The following SYT16 variants were observed in gnomAD, a reference collection of about 807,000 sequenced individuals.
SYT16 encodes synaptotagmin 16.
SYT16 carries 42 observed loss-of-function variants against 61.4 expected under a neutral mutation model. The ratio of observed to expected loss-of-function variants is 0.68; its 90% CI spans 0.53 to 0.89. SYT16 has a LOEUF of 0.89. Among genes scored for constraint, SYT16 ranks in the 40% least tolerant of loss-of-function variants. The probability of loss-of-function intolerance (pLI) is 0.00; values close to 1 mark genes in which losing one functional copy is unlikely to be tolerated. For synonymous variants in SYT16, 314 were observed against 302.3 expected, an observed-to-expected ratio of 1.04 and a Z score of -0.40; for missense variants, 804 against 807.3, an observed-to-expected ratio of 1.00 and a Z score of 0.05.
At chr14:62,093,097 C>G (rs1361883071) in intron 7 of SYT16, among the ~76,000 whole-genome samples, 2 of 151,912 alleles carry the variant, frequency 1.3e-5, no homozygotes, top group African/African-American at 4.8e-5. Context: ...TCTGTACCTT[C>G]TGCTCAATTT....
At chr14:61,917,164 T>C (rs767181235) in intron 1 of SYT16, among the ~76,000 whole-genome samples, 2 of 152,082 alleles carry the variant, frequency 1.3e-5, no homozygotes, top group Non-Finnish European at 2.9e-5. Flanking sequence ...ACCTCCATAA[T>C]GAGATTCTCA....
At chr14:61,886,862 C>T (rs57214) in intron 1 of SYT16, among the ~76,000 whole-genome samples, 14,426 of 141,830 alleles carry the variant, frequency 0.1, 1,299 homozygotes, top group African/African-American at 0.22. Flanking sequence ...AGGGGAGTTA[C>T]GCTTATTTTT....
chr14:61,961,533 C>T (rs1011903596), intron 1 of SYT16, among the ~76,000 whole-genome samples: 6 of 152,108 alleles, frequency 3.9e-5, no homozygotes, highest in African/African-American at 1.4e-4. Flanking sequence ...TGTCACTAAT[C>T]ATTATATAAA....
At chr14:61,897,559 A>G (rs2048367398) in intron 1 of SYT16, among the ~76,000 whole-genome samples, 1 of 152,108 alleles carries the variant, frequency 6.6e-6, no homozygotes, top group South Asian at 2.1e-4. Flanking sequence ...GACTTTTTTC[A>G]GAATAAGGAG....
At chr14:62,022,240 T>C (rs1157721888) in intron 3 of SYT16, among the ~76,000 whole-genome samples, 1 of 152,202 alleles carries the variant, frequency 6.6e-6, no homozygotes, top group Non-Finnish European at 1.5e-5. Flanking sequence ...TTGCTGGTTA[T>C]GAATTTCTTA....
chr14:61,832,076 G>T, intron 1 of SYT16: 1 of 722,756 alleles, frequency 1.4e-6, no homozygotes. Flanking sequence ...TCTTCCACTC[G>T]TTCACGCCCC....
intron 1 of SYT16, among the ~76,000 whole-genome samples, chr14:61,884,257 TTGA>T (rs749941769): frequency 8.5e-5 from 13 of 152,240 alleles, no homozygotes; most frequent in Admixed American, 4.6e-4. Context: ...GTTATCTGGG[TTGA>T]TGAGCTACCC....
chr14:61,935,232 G>A (rs2049931486), intron 1 of SYT16, among the ~76,000 whole-genome samples: 1 of 152,134 alleles, frequency 6.6e-6, no homozygotes, highest in African/African-American at 2.4e-5. Context: ...CTTTCAATAG[G>A]GGAACTCAAG....
At chr14:61,892,752 A>G (rs1232198058) in intron 1 of SYT16, among the ~76,000 whole-genome samples, 1 of 152,116 alleles carries the variant, frequency 6.6e-6, no homozygotes, top group Non-Finnish European at 1.5e-5. Flanking sequence ...AGTGCTGGAG[A>G]AGGGGAATTG....
In SYT16 at chr14:61,898,836, C is replaced by T. The variant is rs146219506; in HGVS notation, c.-324-71296C>T. Among the ~76,000 whole-genome samples the T allele has an allele frequency of 1.4e-4, 22 of 152,284 alleles. No individual in the cohort carries two copies. The East Asian group carries it at 4.1e-3, about 28-fold the overall frequency. Reference sequence around the variant, plus strand: ...GGACTGAATGAGATAAGTTGTGTCCCCGTCCAGCACAGGATGAGGCCCGCA... The same window carrying T: ...GGACTGAATGAGATAAGTTGTGTCCTCGTCCAGCACAGGATGAGGCCCGCA... On this transcript the variant is annotated intron_variant, in intron 1 of 7. Transcript: ENST00000683842.
At chr14:62,051,235 T>C (rs1265515224) in intron 3 of SYT16, among the ~76,000 whole-genome samples, 1 of 152,228 alleles carries the variant, frequency 6.6e-6, no homozygotes, top group Non-Finnish European at 1.5e-5. Context: ...GTGCTAGCAA[T>C]GAGCGAGGCT....
At chr14:62,088,993 T>A (rs2056979694) in intron 7 of SYT16, among the ~76,000 whole-genome samples, 1 of 151,548 alleles carries the variant, frequency 6.6e-6, no homozygotes, top group African/African-American at 2.4e-5. Context: ...GAGATGTCAC[T>A]CTATTTCCCT....
chr14:61,880,624 C>T (rs889270231), intron 1 of SYT16, among the ~76,000 whole-genome samples: 1 of 152,002 alleles, frequency 6.6e-6, no homozygotes, highest in Non-Finnish European at 1.5e-5. Context: ...TTTAGTTTTT[C>T]CTTAATATCT....
intron 2 of SYT16, among the ~76,000 whole-genome samples, chr14:61,977,088 A>G (rs989129383): frequency 3.3e-5 from 5 of 152,112 alleles, no homozygotes; most frequent in Admixed American, 6.5e-5. Context: ...CCTCATCTCC[A>G]TCTGAGACCA....
In SYT16 at chr14:61,953,174, T is replaced by C. The variant is rs572465997; in HGVS notation, c.-324-16958T>C. Reference sequence around the variant, plus strand: ...TTTTGTAGTTGGTTGTATAAACAACTAATATAGAAATGAGTCTAATTGTGC... The same window carrying C: ...TTTTGTAGTTGGTTGTATAAACAACCAATATAGAAATGAGTCTAATTGTGC... On this transcript the variant is annotated intron_variant, in intron 1 of 7. Coordinates refer to ENST00000683842, the MANE Select transcript of SYT16 (RefSeq NM_001367656.1). Among the ~76,000 whole-genome samples, 66 of 152,238 alleles carry C rather than the reference T, an allele frequency of 4.3e-4. 1 individual carries two copies. The highest frequency in any genetic ancestry group is 8.5e-4 in the Admixed American group (13 of 15,284).
At chr14:62,000,238 G>A (rs556417280) in intron 3 of SYT16, among the ~76,000 whole-genome samples, 1 of 149,650 alleles carries the variant, frequency 6.7e-6, no homozygotes, top group South Asian at 2.1e-4. Context: ...GCTTTACGTA[G>A]TTTGAAGCTC....
intron 2 of SYT16, among the ~76,000 whole-genome samples, chr14:61,987,782 T>A (rs928530980): frequency 5.3e-5 from 8 of 151,960 alleles, no homozygotes; most frequent in East Asian, 1.9e-4. Flanking sequence ...AAGGCTGATA[T>A]TACTTTTATA....
chr14:61,870,046 A>G (rs2047281265), intron 1 of SYT16, among the ~76,000 whole-genome samples: 1 of 152,212 alleles, frequency 6.6e-6, no homozygotes, highest in Non-Finnish European at 1.5e-5. Flanking sequence ...AAAAATTTAT[A>G]TCTAGTCACT....
rs771819799 is a variant in SYT16, at chr14:62,053,822, C to G, written c.524-15781C>G. 1.2e-3 allele frequency among the ~76,000 whole-genome samples: 180 copies of G among 152,174 alleles called. 2 individuals carry two copies. The highest frequency in any genetic ancestry group is 7.7e-4 in the East Asian group (4 of 5,182). On this transcript the variant is annotated intron_variant, in intron 3 of 7. Transcript: ENST00000683842. ...AATGGAACAAAAGGCATTATTATAC[C>G]TAGAGCAATTTTTTGTTCAATGGTG...
Sources: allele counts gnomAD v4.1 joint callset (sites outside exome capture counted in the v4.1 genomes callset), GRCh38; gene constraint gnomAD v4.1.1; transcripts MANE v1.5; gene names NCBI Gene and HGNC (gene_info 2026-07-23, HGNC 2026-07-21).